FAM114A2: variants seen among roughly 807,000 people sequenced by gnomAD.
FAM114A2 encodes the protein family with sequence similarity 114 member A2.
Under a neutral mutation model 58.4 loss-of-function variants are expected in FAM114A2, and 53 were observed. The observed-to-expected ratio is 0.91, with a 90% confidence interval of 0.73 to 1.14. The LOEUF (loss-of-function observed/expected upper bound fraction) is 1.14, where lower values mean the gene tolerates loss of function less well. Among genes scored for constraint, FAM114A2 ranks in the 50% most tolerant of loss-of-function variants. The pLI is 0.00. For missense variants in FAM114A2, 601 were observed against 581.1 expected, an observed-to-expected ratio of 1.03 and a Z score of -0.35; for synonymous variants, 228 against 211.4, an observed-to-expected ratio of 1.08 and a Z score of -0.68.
chr5:154,035,096 T>C (rs1427033252), intron 1 of FAM114A2, 129 bp from the exon 2 acceptor site: 1 of 605,534 alleles, frequency 1.7e-6, no homozygotes, highest in South Asian at 2.2e-5. Flanking sequence ...AGATCCCATA[T>C]ACCTTCATCC....
intron 8 of FAM114A2, among the ~76,000 whole-genome samples, chr5:154,023,788 T>C (rs1771600369): frequency 6.6e-6 from 1 of 151,724 alleles, no homozygotes; most frequent in Non-Finnish European, 1.5e-5. Context: ...ATAAAAAAAA[T>C]TGAAAAAAAC....
At chr5:154,000,824 A>T (rs963965927) in intron 11 of FAM114A2, among the ~76,000 whole-genome samples, 2 of 152,220 alleles carry the variant, frequency 1.3e-5, no homozygotes, top group Admixed American at 6.5e-5. Flanking sequence ...AGGAGACAAC[A>T]TCATACTCAA....
chr5:154,004,180 G>T (rs1201243206), intron 9 of FAM114A2, among the ~76,000 whole-genome samples: 1 of 152,168 alleles, frequency 6.6e-6, no homozygotes, highest in African/African-American at 2.4e-5. Context: ...ATGCATGATT[G>T]TATATATCAC....
At chr5:154,018,773 G>A (rs1561561031) in intron 8 of FAM114A2, among the ~76,000 whole-genome samples, 2 of 152,246 alleles carry the variant, frequency 1.3e-5, no homozygotes, top group East Asian at 3.9e-4. Context: ...CAATAAATGT[G>A]ATATACCACA....
intron 9 of FAM114A2, among the ~76,000 whole-genome samples, chr5:154,010,018 G>A (rs536429010): frequency 5.9e-5 from 9 of 152,304 alleles, no homozygotes; most frequent in African/African-American, 1.9e-4. Context: ...TAAATTTACT[G>A]AAGTTGATAG....
In FAM114A2 at chr5:153,997,827, G is replaced by A. The variant is rs779478503; in HGVS notation, c.1305C>T (p.Phe435=). The change falls in exon 12 of 14, where the codon TTC becomes TTT. Residue 435 remains phenylalanine (F), a synonymous_variant. Transcript: ENST00000351797. ...CKELSSLSKE[F]TTCLTTAGVK... Reference sequence around the variant, plus strand: ...CCCCAGCAGTTGTTAGGCAGGTAGTGAACTCTTTAGACAGAGAGGACAACT... The same window carrying A: ...CCCCAGCAGTTGTTAGGCAGGTAGTAAACTCTTTAGACAGAGAGGACAACT... The A allele has an allele frequency of 6.3e-7, 1 of 1,599,534 alleles. No homozygotes were observed. Among genetic ancestry groups the A allele is most frequent in the Non-Finnish European group, 8.6e-7 (1 of 1,166,986 alleles).
At chr5:154,018,158 A>G (rs1254231971) in intron 8 of FAM114A2, among the ~76,000 whole-genome samples, 1 of 152,220 alleles carries the variant, frequency 6.6e-6, no homozygotes, top group Admixed American at 6.5e-5. Flanking sequence ...TAGAATTGAT[A>G]GACCATTCGC....
At chr5:154,024,142 T>TA (rs1464272147) in intron 8 of FAM114A2, among the ~76,000 whole-genome samples, 1 of 152,172 alleles carries the variant, frequency 6.6e-6, no homozygotes, top group African/African-American at 2.4e-5. Context: ...TGTACAATTC[T>TA]AAAAAGCAAT....
intron 8 of FAM114A2, among the ~76,000 whole-genome samples, chr5:154,025,123 A>C (rs966469093): frequency 3.3e-5 from 5 of 152,208 alleles, no homozygotes; most frequent in Non-Finnish European, 7.3e-5. Flanking sequence ...AAAAAAGCAC[A>C]TAGTTCAGCT....
At chr5:154,002,204 A>G in intron 11 of FAM114A2, 47 bp downstream of exon 11, 1 of 1,585,610 alleles carries the variant, frequency 6.3e-7, no homozygotes, top group Non-Finnish European at 8.7e-7. Context: ...CAGGCCAAGA[A>G]AACTCCTGCA....
chr5:154,013,393 C>A (rs2113337783), intron 8 of FAM114A2, among the ~76,000 whole-genome samples: 1 of 152,258 alleles, frequency 6.6e-6, no homozygotes, highest in East Asian at 1.9e-4. Context: ...CCCTCTGATA[C>A]CACCACTTTT....
Position 154,000,543 on chromosome 5 carries a change from G to A in FAM114A2, c.1256+1708C>T, listed in dbSNP as rs367815987. 4.0e-4 allele frequency among the ~76,000 whole-genome samples: 61 copies of A among 152,192 alleles called. 1 individual carries two copies. The highest frequency in any genetic ancestry group is 1.4e-3 in the African/African-American group (60 of 41,504). ...AAATTTGTGGGTGGAAGACATGAAT[G>A]GAAATGTGTTCCAAATGACGGCAAT... On this transcript the variant is annotated intron_variant, in intron 11 of 13. Transcript: ENST00000351797.
At chr5:154,032,730 ATACTT>A (rs1772284884) in intron 4 of FAM114A2, among the ~76,000 whole-genome samples, 1 of 152,176 alleles carries the variant, frequency 6.6e-6, no homozygotes, top group South Asian at 2.1e-4. Context: ...TTAGAACACT[ATACTT>A]GGAGTTGCAG....
chr5:153,994,998 T>C, intron 12 of FAM114A2, 26 bp from the exon 13 acceptor site: 1 of 1,544,544 alleles, frequency 6.5e-7, no homozygotes, highest in Non-Finnish European at 9.0e-7. Context: ...CATTTTTAAG[T>C]GAGCAGAGTA....
intron 8 of FAM114A2, among the ~76,000 whole-genome samples, chr5:154,025,638 T>C (rs1771725513): frequency 6.6e-6 from 1 of 152,160 alleles, no homozygotes; most frequent in Non-Finnish European, 1.5e-5. Flanking sequence ...CATTCACTTT[T>C]AATGTTTATA....
intron 9 of FAM114A2, among the ~76,000 whole-genome samples, chr5:154,003,471 G>A (rs73275536): frequency 0.011 from 1,600 of 152,180 alleles, 23 homozygotes; most frequent in African/African-American, 0.037. Flanking sequence ...GAGCCACTGC[G>A]CCCGGCCTCT....
intron 1 of FAM114A2, 44 bp from the exon 2 acceptor site, chr5:154,035,011 G>C (rs1581844628): frequency 8.3e-7 from 1 of 1,202,696 alleles, no homozygotes; most frequent in Non-Finnish European, 1.2e-6. Flanking sequence ...AGGCTTCTTT[G>C]GTATAAAGTA....
At chr5:154,018,298 T>C (rs1771178949) in intron 8 of FAM114A2, among the ~76,000 whole-genome samples, 1 of 152,008 alleles carries the variant, frequency 6.6e-6, no homozygotes, top group African/African-American at 2.4e-5. Flanking sequence ...GCGCATAAAC[T>C]AGAAAACCTA....
chr5:154,019,103 G>A (rs1469231355), intron 8 of FAM114A2, among the ~76,000 whole-genome samples: 3 of 152,136 alleles, frequency 2.0e-5, no homozygotes, highest in East Asian at 1.9e-4. Flanking sequence ...CAAAAAAGAG[G>A]AAGTCAAACT....
Sources: allele counts gnomAD v4.1 joint callset (sites outside exome capture counted in the v4.1 genomes callset), GRCh38; gene constraint gnomAD v4.1.1; transcripts MANE v1.5; gene names NCBI Gene and HGNC (gene_info 2026-07-23, HGNC 2026-07-21).